LRRC1: variants seen among roughly 807,000 people sequenced by gnomAD.
LRRC1 encodes leucine-rich repeat-containing protein 1.
LRRC1 carries 28 observed loss-of-function variants against 69.9 expected under a neutral mutation model. The observed-to-expected ratio is 0.40, with a 90% CI of 0.30 to 0.55. The LOEUF (loss-of-function observed/expected upper bound fraction) is 0.55. Among genes scored for constraint, LRRC1 ranks in the 20% least tolerant of loss-of-function variants. LRRC1 has a pLI of 0.47. For synonymous variants in LRRC1, 236 were observed against 240.2 expected (o/e 0.98, Z 0.16); for missense variants, 498 against 609.0 (o/e 0.82, Z 1.92).
chr6:53,914,050 T>G lies in LRRC1; in HGVS notation c.1106+81T>G, dbSNP rs537394804. ...TCTTGGCAGTGCATCTTCAAATTTT[T>G]GTCTTTGCTTTATCTTACAGAATAT... On this transcript the variant is annotated intron_variant, in intron 11 of 13. Coordinates refer to ENST00000370888, the MANE Select transcript of LRRC1 (RefSeq NM_018214.5). The G allele has an allele frequency of 6.3e-5, 60 of 952,518 alleles. No homozygotes were observed. In the African/African-American group the frequency reaches 8.4e-4, roughly 13 times the overall value. 59.0% of individuals were successfully genotyped at this position (952,518 alleles called of 1,614,324 possible).
rs34098229 is a variant in LRRC1 at position 53,901,547 on chromosome 6, TA to T, written c.788-1069del. Among the ~76,000 whole-genome samples, 832 of 140,138 alleles carry T rather than the reference TA, an allele frequency of 5.9e-3. 6 individuals carry two copies. The highest frequency in any genetic ancestry group is 0.043 in the East Asian group (212 of 4,890). The allele number at this position is 140,138 out of a possible 152,430, so 91.9% of individuals were successfully genotyped here. ...GGCAATAGAGTGAGGCCCTGTCTCT[TA>T]AAAAAAAAAAAAGCAAAGATATGTT... is the stretch of plus-strand genomic sequence containing the variant. On this transcript the variant is annotated intron_variant, in intron 8 of 13. Transcript: ENST00000370888.
At chr6:53,797,778 C>T (rs1167458979) in intron 1 of LRRC1, among the ~76,000 whole-genome samples, 2 of 152,328 alleles carry the variant, frequency 1.3e-5, no homozygotes, top group Middle Eastern at 3.4e-3. Context: ...TTCTGGTTTG[C>T]GCCAATATCT....
intron 1 of LRRC1, among the ~76,000 whole-genome samples, chr6:53,823,131 T>A (rs1765161892): frequency 6.6e-6 from 1 of 152,218 alleles, no homozygotes; most frequent in Non-Finnish European, 1.5e-5. Context: ...GGTCTGAGCC[T>A]TTCACTCAGA....
intron 10 of LRRC1, among the ~76,000 whole-genome samples, chr6:53,911,325 T>A (rs180910866): frequency 6.6e-6 from 1 of 152,166 alleles, no homozygotes; most frequent in East Asian, 1.9e-4. Flanking sequence ...AATTAATTAA[T>A]TTTTTTGACT....
chr6:53,849,450 C>G (rs750836858), intron 2 of LRRC1, among the ~76,000 whole-genome samples: 2 of 152,180 alleles, frequency 1.3e-5, no homozygotes, highest in Admixed American at 6.5e-5. Flanking sequence ...TGGTTTCCAG[C>G]CACAGTGCTC....
rs1581833895 is a variant in LRRC1 at position 53,795,392 on chromosome 6, A to G, written c.136A>G (p.Asn46Asp). ...CCTGGAGGAGCTGCTGCTGGACGCCAACCAGCTCCGCGAGCTGCCCGAGGT... is the reference window on the plus strand; with the variant it reads ...CCTGGAGGAGCTGCTGCTGGACGCCGACCAGCTCCGCGAGCTGCCCGAGGT... Reference protein sequence around the residue: ...RSLEELLLDANQLRELPEQFF... With the variant: ...RSLEELLLDADQLRELPEQFF... The change falls in exon 1 of 14, where the codon AAC becomes GAC. Residue 46 changes from asparagine to aspartate, a missense_variant. This residue lies in a region of LRRC1 where 70 missense variants were observed against 62.1 expected (regional missense o/e 1.13). Transcript: ENST00000370888. The G allele has an allele frequency of 6.2e-7, 1 of 1,612,940 alleles. No individual in the cohort carries two copies.
At chr6:53,916,882 A>T (rs1768581862) in intron 11 of LRRC1, among the ~76,000 whole-genome samples, 1 of 152,192 alleles carries the variant, frequency 6.6e-6, no homozygotes, top group East Asian at 1.9e-4. Flanking sequence ...TCATGGACAT[A>T]ACTGGAGACA....
At chr6:53,800,087 C>T (rs1764425194) in intron 1 of LRRC1, among the ~76,000 whole-genome samples, 1 of 152,062 alleles carries the variant, frequency 6.6e-6, no homozygotes, top group Non-Finnish European at 1.5e-5. Context: ...CTGTTCAAGC[C>T]TCTGTTTCCT....
At chr6:53,817,224 A>G (rs978128402) in intron 1 of LRRC1, among the ~76,000 whole-genome samples, 21 of 152,188 alleles carry the variant, frequency 1.4e-4, no homozygotes, top group African/African-American at 5.1e-4. Context: ...CACTGTGCAT[A>G]TCTGGCACAC....
chr6:53,868,917 G>A (rs80182428), intron 2 of LRRC1, among the ~76,000 whole-genome samples: 2,913 of 152,232 alleles, frequency 0.019, 88 homozygotes, highest in African/African-American at 0.065. Flanking sequence ...TCAAAGCATA[G>A]CAGGGTCCTT....
chr6:53,866,270 C>CT (rs779440222), intron 2 of LRRC1, among the ~76,000 whole-genome samples: 13 of 152,284 alleles, frequency 8.5e-5, no homozygotes, highest in Non-Finnish European at 1.8e-4. Context: ...TCTCAGTAGA[C>CT]TTGTGAGGTG....
At chr6:53,852,988 T>G (rs1292749527) in intron 2 of LRRC1, among the ~76,000 whole-genome samples, 1 of 152,222 alleles carries the variant, frequency 6.6e-6, no homozygotes, top group African/African-American at 2.4e-5. Flanking sequence ...ATTCAGCGTC[T>G]CATGAATACT....
intron 2 of LRRC1, among the ~76,000 whole-genome samples, chr6:53,852,548 T>G (rs904659558): frequency 6.6e-6 from 1 of 152,194 alleles, no homozygotes; most frequent in Admixed American, 6.5e-5. Flanking sequence ...GGATGGCTGA[T>G]GAAGAAACTG....
intron 1 of LRRC1, among the ~76,000 whole-genome samples, chr6:53,826,826 A>G (rs970207850): frequency 1.3e-5 from 2 of 151,748 alleles, no homozygotes; most frequent in African/African-American, 4.8e-5. Flanking sequence ...TTAATAGCTG[A>G]GACTTTTTTT....
At chr6:53,889,983 G>A (rs574317223) in intron 4 of LRRC1, among the ~76,000 whole-genome samples, 7 of 152,134 alleles carry the variant, frequency 4.6e-5, no homozygotes, top group Non-Finnish European at 1.0e-4. Context: ...GGTACACATA[G>A]CCAGAGTCTC....
At chr6:53,890,290 C>T (rs1032122844) in intron 4 of LRRC1, among the ~76,000 whole-genome samples, 18 of 152,128 alleles carry the variant, frequency 1.2e-4, no homozygotes, top group Admixed American at 1.1e-3. Flanking sequence ...AGTCCAGTAC[C>T]CGAAACAGTT....
chr6:53,894,501 T>C (rs1159666382), intron 4 of LRRC1, among the ~76,000 whole-genome samples: 1 of 152,194 alleles, frequency 6.6e-6, no homozygotes, highest in African/African-American at 2.4e-5. Context: ...ACATTTTCCT[T>C]CTTTCATTAG....
intron 5 of LRRC1, 108 bp from the exon 6 acceptor site, chr6:53,896,720 TA>T: frequency 1.0e-6 from 1 of 979,390 alleles, no homozygotes; most frequent in South Asian, 1.5e-5. Context: ...TTTTCTACCA[TA>T]AAAATAAAAA....
At chr6:53,804,684 G>A in intron 1 of LRRC1, among the ~76,000 whole-genome samples, 1 of 151,918 alleles carries the variant, frequency 6.6e-6, no homozygotes, top group Admixed American at 6.6e-5. Flanking sequence ...CTAATTCTTT[G>A]CAATGATGAG....
Sources: allele counts gnomAD v4.1 joint callset (sites outside exome capture counted in the v4.1 genomes callset), GRCh38; gene constraint gnomAD v4.1.1; regional missense constraint gnomAD v4.1.1; transcripts MANE v1.5; gene names NCBI Gene and HGNC (gene_info 2026-07-23, HGNC 2026-07-21).